Variants in CTNNA2 observed in about 807,000 individuals in gnomAD.
The protein encoded by CTNNA2 is catenin alpha 2, also known as catenin alpha-2.
A neutral mutation model predicts 101.0 loss-of-function variants in CTNNA2; 42 were observed. That is an observed-to-expected ratio of 0.42 (90% CI 0.32 to 0.54). The LOEUF is 0.54. Ranked by LOEUF, CTNNA2 falls within the 20% of genes least tolerant of loss-of-function variation. CTNNA2 has a pLI of 0.14. For synonymous variants in CTNNA2, 450 were observed against 456.4 expected, an observed-to-expected ratio of 0.99 and a Z score of 0.18; for missense variants, 871 against 1,223.1, an observed-to-expected ratio of 0.71 and a Z score of 4.29.
intron 7 of CTNNA2, among the ~76,000 whole-genome samples, chr2:80,167,165 C>G (rs181065720): frequency 2.0e-5 from 3 of 152,208 alleles, no homozygotes; most frequent in Non-Finnish European, 4.4e-5. Context: ...ATCACACTTA[C>G]TTTTGCACCA....
chr2:80,598,917 G>T (rs1697228382), intron 15 of CTNNA2, among the ~76,000 whole-genome samples: 1 of 152,156 alleles, frequency 6.6e-6, no homozygotes, highest in Non-Finnish European at 1.5e-5. Context: ...TGTGGTAATA[G>T]TACGGTTCTG....
intron 2 of CTNNA2, among the ~76,000 whole-genome samples, chr2:79,251,675 G>T (rs890092379): frequency 3.9e-5 from 6 of 152,072 alleles, no homozygotes; most frequent in African/African-American, 1.4e-4. Context: ...AAGACCTGAG[G>T]TCTGCCTATA....
At chr2:80,232,333 G>GTTTTTTTTTTTTTTTTTTATTTT (rs1558926280) in intron 7 of CTNNA2, among the ~76,000 whole-genome samples, 1 of 45,358 alleles carries the variant, frequency 2.2e-5, no homozygotes, top group Non-Finnish European at 3.3e-5. Context: ...TTGTTTGTTT[G>GTTTTTTTTTTTTTTTTTTATTTT]TTTGTTTGTT....
chr2:80,343,669 T>C (rs1360701621), intron 7 of CTNNA2, among the ~76,000 whole-genome samples: 1 of 152,072 alleles, frequency 6.6e-6, no homozygotes, highest in Admixed American at 6.6e-5. Flanking sequence ...ATAAGAAAAA[T>C]AGGACTGGAA....
chr2:79,933,458 C>CT (rs371498775), intron 7 of CTNNA2, among the ~76,000 whole-genome samples: 2,506 of 143,726 alleles, frequency 0.017, 62 homozygotes, highest in African/African-American at 0.054. Flanking sequence ...CTGGTATTCT[C>CT]TTTTTTTTTT....
chr2:79,851,687 CCCTTTTTCTCATCCTTTTTTT>C (rs1680715829), intron 3 of CTNNA2, among the ~76,000 whole-genome samples: 1 of 127,254 alleles, frequency 7.9e-6, no homozygotes, highest in African/African-American at 3.0e-5. Flanking sequence ...GAAATTTTTG[CCCTTTTTCTCATCCTTTTTTT>C]TCTTTTTCTT....
intron 7 of CTNNA2, among the ~76,000 whole-genome samples, chr2:80,043,069 T>C (rs186306427): frequency 2.8e-4 from 15 of 54,272 alleles, no homozygotes; most frequent in African/African-American, 9.9e-4. Context: ...CTTTCTTTCT[T>C]TCTTTCTTTC....
chr2:80,056,697 G>A (rs936411459), intron 7 of CTNNA2, among the ~76,000 whole-genome samples: 1 of 152,090 alleles, frequency 6.6e-6, no homozygotes, highest in Non-Finnish European at 1.5e-5. Flanking sequence ...TCTGTAATTA[G>A]CCAAGTGTTT....
chr2:79,825,081 T>G (rs1161587204), intron 3 of CTNNA2, among the ~76,000 whole-genome samples: 1 of 152,104 alleles, frequency 6.6e-6, no homozygotes, highest in Non-Finnish European at 1.5e-5. Flanking sequence ...CCTATCTACT[T>G]AGGAGGCTGA....
chr2:79,644,968 C>G (rs953265949), intron 1 of CTNNA2, among the ~76,000 whole-genome samples: 67 of 151,754 alleles, frequency 4.4e-4, no homozygotes, highest in African/African-American at 1.6e-3. Context: ...AATTTAGGTT[C>G]AAGTTTTGTT....
chr2:80,225,464 G>T (rs1372109750), intron 7 of CTNNA2, among the ~76,000 whole-genome samples: 1 of 152,066 alleles, frequency 6.6e-6, no homozygotes, highest in African/African-American at 2.4e-5. Flanking sequence ...CACCGAGTTG[G>T]CCATAAAAAA....
At chr2:79,189,734 C>A (rs902488086) in intron 1 of CTNNA2, among the ~76,000 whole-genome samples, 1 of 152,074 alleles carries the variant, frequency 6.6e-6, no homozygotes, top group East Asian at 1.9e-4. Flanking sequence ...TTTTCTCCCA[C>A]GGATATTGGG....
At chr2:80,392,394 G>T (rs998218881) in intron 7 of CTNNA2, among the ~76,000 whole-genome samples, 1 of 152,132 alleles carries the variant, frequency 6.6e-6, no homozygotes, top group Non-Finnish European at 1.5e-5. Context: ...GAAGATTATT[G>T]TCATCCATAA....
intron 7 of CTNNA2, among the ~76,000 whole-genome samples, chr2:80,182,919 G>A (rs1376726370): frequency 6.6e-6 from 1 of 152,170 alleles, no homozygotes; most frequent in African/African-American, 2.4e-5. Context: ...CATGACATCT[G>A]AGCACCACTG....
At chr2:79,545,280 C>T (rs976617667) in intron 1 of CTNNA2, among the ~76,000 whole-genome samples, 5 of 152,248 alleles carry the variant, frequency 3.3e-5, no homozygotes, top group South Asian at 2.1e-4. Context: ...TAGAGAGAAG[C>T]GGCATGCCTT....
In CTNNA2 at chr2:79,674,863, A is replaced by G. The variant is rs1469134758; in HGVS notation, c.102+23205A>G. On this transcript the variant is annotated intron_variant, in intron 2 of 18. Coordinates refer to ENST00000402739, the MANE Select transcript of CTNNA2 (RefSeq NM_001282597.3). ...CTGAGAGTTATTTTCCAAGGTTTCT[A>G]TATTTTATTGTCAGTTGAGTTTATT... 2.0e-5 allele frequency among the ~76,000 whole-genome samples: 3 copies of G among 152,310 alleles called. No individual in the cohort carries two copies. The South Asian group carries it at 6.2e-4, about 32-fold the overall frequency.
At chr2:80,250,204 A>AGTGT (rs56664173) in intron 7 of CTNNA2, among the ~76,000 whole-genome samples, 1,396 of 96,456 alleles carry the variant, frequency 0.014, 23 homozygotes, top group African/African-American at 0.026. Context: ...AGAGAGAGAG[A>AGTGT]GTGTGTGTGT....
At chr2:80,256,714 C>G (rs1672188164) in intron 7 of CTNNA2, among the ~76,000 whole-genome samples, 2 of 152,146 alleles carry the variant, frequency 1.3e-5, no homozygotes, top group African/African-American at 4.8e-5. Context: ...TTGCGGCGAT[C>G]TGGAATGTTT....
intron 2 of CTNNA2, among the ~76,000 whole-genome samples, chr2:79,279,042 T>G (rs1010314872): frequency 6.6e-6 from 1 of 152,240 alleles, no homozygotes; most frequent in Admixed American, 6.5e-5. Flanking sequence ...TGTGGAGAGA[T>G]GGAACAGGGA....
Sources: allele counts gnomAD v4.1 joint callset (sites outside exome capture counted in the v4.1 genomes callset), GRCh38; gene constraint gnomAD v4.1.1; transcripts MANE v1.5; gene names NCBI Gene and HGNC (gene_info 2026-07-23, HGNC 2026-07-21).